GPC5: variants seen among roughly 807,000 people sequenced by gnomAD.
The protein encoded by GPC5 is glypican-5.
In GPC5, 47 loss-of-function variants were observed where a neutral mutation model predicts 53.9. The observed-to-expected ratio is 0.87, with a 90% CI of 0.69 to 1.11. GPC5 has a LOEUF of 1.11. GPC5 is among the 50% of genes most tolerant of loss of function. GPC5 has a pLI of 0.00. For missense variants in GPC5, 748 were observed against 713.1 expected (o/e 1.05, Z -0.56); for synonymous variants, 286 against 263.3 (o/e 1.09, Z -0.84).
At chr13:91,959,184 A>G (rs1178625835) in intron 6 of GPC5, among the ~76,000 whole-genome samples, 1 of 151,948 alleles carries the variant, frequency 6.6e-6, no homozygotes, top group East Asian at 1.9e-4. Context: ...AATAAAAAAA[A>G]GACACAAATA....
intron 7 of GPC5, among the ~76,000 whole-genome samples, chr13:92,862,650 T>C (rs1338644889): frequency 6.6e-6 from 1 of 151,836 alleles, no homozygotes; most frequent in Non-Finnish European, 1.5e-5. Flanking sequence ...GATAGATAGA[T>C]AGATAGATAG....
intron 2 of GPC5, among the ~76,000 whole-genome samples, chr13:91,454,038 T>C (rs999337740): frequency 5.3e-5 from 8 of 152,132 alleles, no homozygotes; most frequent in Non-Finnish European, 1.2e-4. Flanking sequence ...ATTGCATTCT[T>C]TTCCTTGTTC....
intron 7 of GPC5, among the ~76,000 whole-genome samples, chr13:92,633,087 C>T (rs1349740572): frequency 2.0e-5 from 3 of 152,232 alleles, no homozygotes; most frequent in East Asian, 3.9e-4. Context: ...GACGGGGTTT[C>T]ACCATGTTGG....
chr13:92,073,306 A>G (rs1256772294), intron 6 of GPC5, among the ~76,000 whole-genome samples: 1 of 152,250 alleles, frequency 6.6e-6, no homozygotes, highest in African/African-American at 2.4e-5. Context: ...GCAACAGAAA[A>G]GCCAGAGGGC....
intron 6 of GPC5, among the ~76,000 whole-genome samples, chr13:92,018,974 T>C (rs1239399038): frequency 6.6e-6 from 1 of 152,022 alleles, no homozygotes; most frequent in East Asian, 1.9e-4. Context: ...TTCCTAAATA[T>C]TGTTAGATTC....
intron 7 of GPC5, among the ~76,000 whole-genome samples, chr13:92,424,018 A>C (rs2139365857): frequency 6.6e-6 from 1 of 152,234 alleles, no homozygotes; most frequent in Non-Finnish European, 1.5e-5. Flanking sequence ...AAAAAAATCA[A>C]GTTTTGTGTA....
At chr13:92,556,944 G>A (rs1391258545) in intron 7 of GPC5, among the ~76,000 whole-genome samples, 3 of 151,836 alleles carry the variant, frequency 2.0e-5, no homozygotes, top group African/African-American at 7.3e-5. Flanking sequence ...GAGGAAAAGA[G>A]TTTCTCATTG....
chr13:91,878,396 C>A (rs1594635722), intron 5 of GPC5, among the ~76,000 whole-genome samples: 1 of 152,174 alleles, frequency 6.6e-6, no homozygotes, highest in South Asian at 2.1e-4. Context: ...ATTTGTCAAA[C>A]TGCCTAACCA....
At chr13:92,452,945 A>G (rs1878124534) in intron 7 of GPC5, among the ~76,000 whole-genome samples, 1 of 152,174 alleles carries the variant, frequency 6.6e-6, no homozygotes, top group African/African-American at 2.4e-5. Flanking sequence ...TTGCCGAGGG[A>G]CAGAAAGGGC....
intron 7 of GPC5, among the ~76,000 whole-genome samples, chr13:92,184,298 C>T (rs2042167774): frequency 6.6e-6 from 1 of 152,110 alleles, no homozygotes; most frequent in Non-Finnish European, 1.5e-5. Flanking sequence ...GAAGACCTAA[C>T]CTCCTTCAAA....
chr13:92,770,151 T>C (rs1875556175), intron 7 of GPC5, among the ~76,000 whole-genome samples: 1 of 152,136 alleles, frequency 6.6e-6, no homozygotes, highest in Non-Finnish European at 1.5e-5. Flanking sequence ...TGTTGGCCCA[T>C]GCCTGTAATC....
intron 6 of GPC5, among the ~76,000 whole-genome samples, chr13:92,109,450 T>C (rs1341555360): frequency 6.6e-6 from 1 of 152,152 alleles, no homozygotes; most frequent in African/African-American, 2.4e-5. Flanking sequence ...TCAAACTCTT[T>C]CCTTCAATTG....
At chr13:92,073,939 TG>T (rs1042482531) in intron 6 of GPC5, among the ~76,000 whole-genome samples, 1 of 152,192 alleles carries the variant, frequency 6.6e-6, no homozygotes, top group African/African-American at 2.4e-5. Flanking sequence ...TGGTTTTATA[TG>T]GGTCTTTTCC....
chr13:91,546,207 T>C lies in GPC5; in HGVS notation c.325+97285T>C, dbSNP rs150293040. ...GCTACCTATCTATAGTAGAAGAAAA[T>C]AGGAAAACAGCTGCTGCATATTTAC... On this transcript the variant is annotated intron_variant, in intron 2 of 7. Coordinates refer to ENST00000377067, the MANE Select transcript of GPC5 (RefSeq NM_004466.6). Among the ~76,000 whole-genome samples the C allele has an allele frequency of 2.6e-3, 398 of 152,202 alleles. 1 individual carries two copies. Among genetic ancestry groups the C allele is most frequent in the African/African-American group, 9.3e-3 (388 of 41,556 alleles).
intron 7 of GPC5, among the ~76,000 whole-genome samples, chr13:92,263,107 A>T (rs1482979477): frequency 3.3e-5 from 5 of 152,268 alleles, no homozygotes; most frequent in Admixed American, 6.5e-5. Context: ...ATTGTACAGA[A>T]AAATGAAAAC....
At chr13:91,819,935 G>A (rs2038464330) in intron 5 of GPC5, among the ~76,000 whole-genome samples, 1 of 152,096 alleles carries the variant, frequency 6.6e-6, no homozygotes. Flanking sequence ...ACAACTCAGT[G>A]AGTTTGAAGT....
rs544775587 is a variant in GPC5 at position 92,081,357 on chromosome 13, C to T, written c.1402-63473C>T. 3.7e-4 allele frequency among the ~76,000 whole-genome samples: 57 copies of T among 152,322 alleles called. 1 individual carries two copies. The highest frequency in any genetic ancestry group is 1.0e-3 in the African/African-American group (43 of 41,572). On this transcript the variant is annotated intron_variant, in intron 6 of 7. Coordinates refer to ENST00000377067, the MANE Select transcript of GPC5 (RefSeq NM_004466.6). The stretch of plus-strand genomic sequence containing the variant: ...CCTCAAGTGATCCGCCTGCCTTGGA[C>T]TCCCAAAGTGCTGGGATTACAGATT...
chr13:91,834,861 A>G (rs1455070833), intron 5 of GPC5, among the ~76,000 whole-genome samples: 2 of 152,188 alleles, frequency 1.3e-5, no homozygotes, highest in Non-Finnish European at 2.9e-5. Flanking sequence ...CTAAAACACC[A>G]AAAGCAATGG....
chr13:92,636,974 G>C (rs910136092), intron 7 of GPC5, among the ~76,000 whole-genome samples: 2 of 152,012 alleles, frequency 1.3e-5, no homozygotes, highest in Non-Finnish European at 2.9e-5. Context: ...GAGCCAACCT[G>C]ACTTTCTATT....
Sources: gnomAD v4.1 joint callset for allele counts (sites outside exome capture counted in the v4.1 genomes callset) on GRCh38, gnomAD v4.1.1 for gene constraint, MANE v1.5 for transcripts, NCBI Gene and HGNC (gene_info 2026-07-23, HGNC 2026-07-21) for gene names.